The following OR3A2 variants were observed in gnomAD, a reference collection of about 807,000 sequenced individuals.
OR3A2 encodes the protein olfactory receptor family 3 subfamily A member 2, also known as olfactory receptor 3A2.
For synonymous variants in OR3A2, 126 were observed against 159.3 expected (o/e 0.79, Z 1.57); for missense variants, 318 against 392.8 (o/e 0.81, Z 1.61).
chr17:3,309,639 T>C (rs2049024785), intron 3 of OR3A2, among the ~76,000 whole-genome samples: 1 of 152,306 alleles, frequency 6.6e-6, no homozygotes, highest in Non-Finnish European at 1.5e-5. Context: ...GTAATATTAC[T>C]ACTTGGAAAA....
At chr17:3,371,577 C>A (rs1339317515) in intron 2 of OR3A2, among the ~76,000 whole-genome samples, 7 of 140,636 alleles carry the variant, frequency 5.0e-5, no homozygotes, top group African/African-American at 1.9e-4. Flanking sequence ...GGCTGATTCC[C>A]CCACCTCCCT....
At chr17:3,297,964 G>GT (rs2048933058) in intron 3 of OR3A2, among the ~76,000 whole-genome samples, 1 of 151,766 alleles carries the variant, frequency 6.6e-6, no homozygotes, top group Non-Finnish European at 1.5e-5. Context: ...ATGGCGTGGG[G>GT]TTTCTTTGTT....
intron 3 of OR3A2, among the ~76,000 whole-genome samples, chr17:3,299,578 G>A (rs2048946184): frequency 1.3e-5 from 2 of 152,156 alleles, no homozygotes; most frequent in Non-Finnish European, 2.9e-5. Flanking sequence ...ATGTGGAGAG[G>A]TTGCCGAGCC....
chr17:3,308,929 T>G lies in OR3A2; in HGVS notation c.-85+27104A>C, dbSNP rs184880959. On this transcript the variant is annotated intron_variant, in intron 3 of 4. Transcript: ENST00000573491. The stretch of plus-strand genomic sequence containing the variant: ...AGTATTTTATTTTATTTTTTGAGAC[T>G]GAGTCTCGCTCTGTCACCCAGGCTA... 8.0e-3 allele frequency among the ~76,000 whole-genome samples: 1,223 copies of G among 152,202 alleles called. 12 individuals are homozygous for G. The highest frequency in any genetic ancestry group is 0.028 in the African/African-American group (1,144 of 41,528).
Position 3,311,687 on chromosome 17 carries a change from C to T in OR3A2, c.-85+24346G>A. 3.6e-6 allele frequency: 1 copy of T among 278,296 alleles called. No individual in the cohort carries two copies. The allele number at this position is 278,296 out of a possible 1,614,324, so 17.2% of individuals were successfully genotyped here. A position where few individuals can be genotyped will look rare whatever the true frequency, so the allele number is the denominator to read the frequency against. On this transcript the variant is annotated intron_variant, in intron 3 of 4. Transcript: ENST00000573491. The surrounding 1 kb of genome is among the most constrained non-coding windows in gnomAD (Gnocchi z 4.6). ...GCTGCAATATTACAAATCCGCTCAG[C>T]TGAGGGGAGGAAGAAGGCTTTCTCC... is the stretch of plus-strand genomic sequence containing the variant.
intron 3 of OR3A2, among the ~76,000 whole-genome samples, chr17:3,321,015 G>A (rs1241660684): frequency 3.3e-5 from 5 of 152,140 alleles, no homozygotes; most frequent in African/African-American, 9.7e-5. Flanking sequence ...CCATGAGCAT[G>A]GAATGTGTTT....
At chr17:3,339,112 G>C (rs376848495) in intron 2 of OR3A2, among the ~76,000 whole-genome samples, 2 of 152,256 alleles carry the variant, frequency 1.3e-5, no homozygotes, top group East Asian at 3.9e-4. Context: ...TTTGCACATT[G>C]ATTTTGTATC....
At chr17:3,360,964 G>C (rs1272287588) in intron 2 of OR3A2, among the ~76,000 whole-genome samples, 1 of 151,530 alleles carries the variant, frequency 6.6e-6, no homozygotes, top group African/African-American at 2.4e-5. Context: ...GAAAGTCATT[G>C]GTAGCTTGAT....
intron 2 of OR3A2, among the ~76,000 whole-genome samples, chr17:3,371,848 C>G (rs1432166656): frequency 7.1e-6 from 1 of 140,416 alleles, no homozygotes; most frequent in African/African-American, 2.7e-5. Flanking sequence ...ACCTCCCGCC[C>G]GGACGGGGCG....
intron 1 of OR3A2, among the ~76,000 whole-genome samples, chr17:3,283,037 TC>T (rs1284602413): frequency 4.6e-5 from 7 of 152,192 alleles, no homozygotes; most frequent in African/African-American, 1.7e-4. Context: ...TTTCTCTCTC[TC>T]TCTCTCTCCT....
At chr17:3,361,549 G>C (rs1309082529) in intron 2 of OR3A2, among the ~76,000 whole-genome samples, 1 of 151,542 alleles carries the variant, frequency 6.6e-6, no homozygotes, top group Non-Finnish European at 1.5e-5. Flanking sequence ...ATTGGCTGTG[G>C]GTTTGTCATA....
At chr17:3,288,540 G>T (rs1212777252), upstream of OR3A2, among the ~76,000 whole-genome samples, 1 of 152,150 alleles carries the variant, frequency 6.6e-6, no homozygotes, top group African/African-American at 2.4e-5. Flanking sequence ...GTTGTAGAGT[G>T]ACACATGACT....
intron 2 of OR3A2, among the ~76,000 whole-genome samples, chr17:3,337,668 C>T (rs996039888): frequency 2.0e-5 from 3 of 152,118 alleles, no homozygotes; most frequent in African/African-American, 7.2e-5. Context: ...TTAATCCAGT[C>T]TATCACTGAT....
chr17:3,370,722 G>A (rs2049607967), intron 2 of OR3A2, among the ~76,000 whole-genome samples: 2 of 151,618 alleles, frequency 1.3e-5, no homozygotes, highest in African/African-American at 4.8e-5. Context: ...AAGGTCAGCA[G>A]ATAAACAAGT....
At chr17:3,384,712 C>T (rs1453261941) in intron 1 of OR3A2, among the ~76,000 whole-genome samples, 1 of 152,100 alleles carries the variant, frequency 6.6e-6, no homozygotes, top group Non-Finnish European at 1.5e-5. Context: ...CAGGGGTCAG[C>T]AAATTGTCCA....
At chr17:3,319,046 C>T (rs1037799768) in intron 3 of OR3A2, among the ~76,000 whole-genome samples, 15 of 152,102 alleles carry the variant, frequency 9.9e-5, no homozygotes, top group African/African-American at 3.4e-4. Flanking sequence ...TTGCTTTTAC[C>T]TGCTACATAC....
intron 2 of OR3A2, among the ~76,000 whole-genome samples, chr17:3,340,861 G>C (rs1005214165): frequency 6.6e-6 from 1 of 152,178 alleles, no homozygotes; most frequent in African/African-American, 2.4e-5. Context: ...TGTTGACAGT[G>C]GGGTGTTAAA....
intron 2 of OR3A2, among the ~76,000 whole-genome samples, chr17:3,381,139 G>A (rs946619960): frequency 1.1e-4 from 17 of 151,894 alleles, no homozygotes; most frequent in Admixed American, 2.0e-4. Context: ...TTCCTGTCCC[G>A]GTGGGTGTGC....
At chr17:3,376,305 A>ACATT in intron 2 of OR3A2, among the ~76,000 whole-genome samples, 1 of 152,224 alleles carries the variant, frequency 6.6e-6, no homozygotes, top group African/African-American at 2.4e-5. Flanking sequence ...TACATTGGCC[A>ACATT]GGATAAATAA....
Sources: allele counts gnomAD v4.1 joint callset (sites outside exome capture counted in the v4.1 genomes callset), GRCh38; gene constraint gnomAD v4.1.1; non-coding constraint Gnocchi (gnomAD v3.1); transcripts MANE v1.5; gene names NCBI Gene and HGNC (gene_info 2026-07-23, HGNC 2026-07-21).